LUZP2: variants seen among roughly 807,000 people sequenced by gnomAD.
The protein encoded by LUZP2 is leucine zipper protein 2.
Under a neutral mutation model 51.6 loss-of-function variants are expected in LUZP2, and 52 were observed. That is an observed-to-expected ratio of 1.01 (90% CI 0.81 to 1.27). LUZP2 has a LOEUF of 1.27. Among genes scored for constraint, LUZP2 ranks in the 50% most tolerant of loss-of-function variants. LUZP2 has a pLI of 0.00. For synonymous variants in LUZP2, 154 were observed against 137.3 expected, an observed-to-expected ratio of 1.12 and a Z score of -0.85; for missense variants, 436 against 395.4, an observed-to-expected ratio of 1.10 and a Z score of -0.87.
At chr11:24,842,484 A>G (rs1851065239) in intron 5 of LUZP2, among the ~76,000 whole-genome samples, 1 of 151,918 alleles carries the variant, frequency 6.6e-6, no homozygotes. Context: ...ACACTATATT[A>G]ATTGCACAAC....
intron 4 of LUZP2, among the ~76,000 whole-genome samples, chr11:24,746,443 T>C (rs1192502697): frequency 6.6e-6 from 1 of 152,196 alleles, no homozygotes; most frequent in African/African-American, 2.4e-5. Context: ...TAGGTTTTCC[T>C]TTATAGGTTT....
At chr11:24,962,778 C>T (rs529976669) in intron 7 of LUZP2, among the ~76,000 whole-genome samples, 31 of 152,346 alleles carry the variant, frequency 2.0e-4, no homozygotes, top group African/African-American at 3.4e-4. Context: ...AGTCATTCTC[C>T]GTCCCGCTTT....
chr11:24,541,257 G>GAAAAAA (rs3077907), intron 1 of LUZP2, among the ~76,000 whole-genome samples: 1 of 114,210 alleles, frequency 8.8e-6, no homozygotes. Flanking sequence ...TCATCTCAAG[G>GAAAAAA]AAAAAAAAAA....
intron 1 of LUZP2, among the ~76,000 whole-genome samples, chr11:24,607,341 C>CTTTTTTT (rs57741208): frequency 0.015 from 969 of 63,390 alleles, 37 homozygotes; most frequent in Non-Finnish European, 0.02. Flanking sequence ...GATATTATGT[C>CTTTTTTT]TTTTTTTTTT....
intron 1 of LUZP2, among the ~76,000 whole-genome samples, chr11:24,692,105 T>A (rs1212442592): frequency 6.6e-6 from 1 of 151,998 alleles, no homozygotes; most frequent in Admixed American, 6.6e-5. Context: ...TTTTTTTCTA[T>A]TCTTATTTCT....
chr11:24,515,408 A>G (rs2133786595), intron 1 of LUZP2, among the ~76,000 whole-genome samples: 1 of 152,302 alleles, frequency 6.6e-6, no homozygotes, highest in Non-Finnish European at 1.5e-5. Flanking sequence ...GCAATTAAGG[A>G]TATATAAATT....
intron 10 of LUZP2, among the ~76,000 whole-genome samples, chr11:25,055,223 A>G (rs952502988): frequency 1.3e-5 from 2 of 151,642 alleles, no homozygotes; most frequent in African/African-American, 4.8e-5. Context: ...GCTGGCCAGG[A>G]TGGTCTCGAT....
At chr11:24,546,286 C>A (rs1346995480) in intron 1 of LUZP2, among the ~76,000 whole-genome samples, 1 of 151,948 alleles carries the variant, frequency 6.6e-6, no homozygotes, top group Non-Finnish European at 1.5e-5. Flanking sequence ...CTTATCCTGC[C>A]TGATTGCTCT....
At chr11:24,781,514 G>A (rs902196296) in intron 5 of LUZP2, among the ~76,000 whole-genome samples, 1 of 151,644 alleles carries the variant, frequency 6.6e-6, no homozygotes, top group Non-Finnish European at 1.5e-5. Flanking sequence ...AGTTGCAGAA[G>A]ACAACACTAG....
At chr11:24,802,436 G>T (rs746923965) in intron 5 of LUZP2, among the ~76,000 whole-genome samples, 1 of 151,616 alleles carries the variant, frequency 6.6e-6, no homozygotes, top group South Asian at 2.1e-4. Context: ...TCTACAGTCT[G>T]TTTTAACAGA....
At position 24,719,980 on chromosome 11, in the gene LUZP2, GA is replaced by G. The variant is rs1259412845; in HGVS notation, c.63-9187del. On this transcript the variant is annotated intron_variant, in intron 1 of 11. Coordinates refer to ENST00000336930, the MANE Select transcript of LUZP2 (RefSeq NM_001009909.4). ...AATACAAGAATAAGCCCAACCAAGT[GA>G]ATGGCCCAGCTAAGCTCAGACTAAC... 3.9e-5 allele frequency among the ~76,000 whole-genome samples: 6 copies of G among 152,272 alleles called. No homozygotes were observed. The East Asian group carries it at 1.2e-3, about 29-fold the overall frequency.
At chr11:24,885,427 G>C (rs117177641) in intron 5 of LUZP2, among the ~76,000 whole-genome samples, 1 of 151,970 alleles carries the variant, frequency 6.6e-6, no homozygotes, top group Non-Finnish European at 1.5e-5. Flanking sequence ...GAGAAAACAA[G>C]GACTCAAGAT....
At chr11:24,595,430 C>G (rs1853409366) in intron 1 of LUZP2, among the ~76,000 whole-genome samples, 2 of 152,100 alleles carry the variant, frequency 1.3e-5, no homozygotes, top group Admixed American at 1.3e-4. Flanking sequence ...AGTCTCAGGT[C>G]AGTAATAACT....
intron 7 of LUZP2, among the ~76,000 whole-genome samples, chr11:24,956,795 T>C (rs774572492): frequency 2.0e-5 from 3 of 152,084 alleles, no homozygotes; most frequent in African/African-American, 4.8e-5. Flanking sequence ...GAAATCTTAA[T>C]GGGAAAATTA....
chr11:24,644,238 C>G (rs923311151), intron 1 of LUZP2, among the ~76,000 whole-genome samples: 1 of 152,140 alleles, frequency 6.6e-6, no homozygotes, highest in Non-Finnish European at 1.5e-5. Flanking sequence ...TTGACTCTTT[C>G]TTATGTTTCT....
chr11:24,978,963 A>G (rs1173806717), intron 8 of LUZP2, among the ~76,000 whole-genome samples: 3 of 151,656 alleles, frequency 2.0e-5, no homozygotes, highest in Non-Finnish European at 4.4e-5. Flanking sequence ...TGAGAGGCTG[A>G]TGTTGTAGTG....
intron 1 of LUZP2, among the ~76,000 whole-genome samples, chr11:24,728,608 T>C (rs148454268): frequency 6.6e-6 from 1 of 152,116 alleles, no homozygotes; most frequent in Non-Finnish European, 1.5e-5. Context: ...TCATTTGTTC[T>C]CAAAATAATG....
chr11:24,868,812 C>A (rs1352188), intron 5 of LUZP2, among the ~76,000 whole-genome samples: 148,280 of 152,186 alleles, frequency 0.97, 72,274 homozygotes, highest in Middle Eastern at 1. Context: ...TTGCTATATA[C>A]GGACTCATCC....
At chr11:24,644,534 G>A (rs915067955) in intron 1 of LUZP2, among the ~76,000 whole-genome samples, 1 of 150,192 alleles carries the variant, frequency 6.7e-6, no homozygotes, top group Admixed American at 6.6e-5. Flanking sequence ...TAGAATAGAT[G>A]CCTAAAATGA....
Sources: gnomAD v4.1 joint callset for allele counts (sites outside exome capture counted in the v4.1 genomes callset) on GRCh38, gnomAD v4.1.1 for gene constraint, MANE v1.5 for transcripts, NCBI Gene and HGNC (gene_info 2026-07-23, HGNC 2026-07-21) for gene names.